Variants in TRHDE observed in about 807,000 individuals in gnomAD.
TRHDE encodes the protein thyrotropin releasing hormone degrading enzyme.
In TRHDE, 72 loss-of-function variants were observed where a neutral mutation model predicts 125.7. That is an observed-to-expected ratio of 0.57 (90% CI 0.47 to 0.70). The LOEUF (loss-of-function observed/expected upper bound fraction) is 0.70. TRHDE is among the 30% of genes least tolerant of loss of function. The pLI is 0.00. For missense variants in TRHDE, 1,110 were observed against 1,327.1 expected (o/e 0.84, Z 2.54); for synonymous variants, 509 against 509.1 (o/e 1.00, Z 0.00).
chr12:72,638,999 C>A (rs1174192568), intron 15 of TRHDE, among the ~76,000 whole-genome samples: 2 of 150,716 alleles, frequency 1.3e-5, no homozygotes, highest in African/African-American at 4.9e-5. Flanking sequence ...TTGCTCTTCT[C>A]GAGGAGTATC....
At chr12:72,554,451 G>A (rs1351783526) in intron 7 of TRHDE, among the ~76,000 whole-genome samples, 1 of 152,148 alleles carries the variant, frequency 6.6e-6, no homozygotes, top group Non-Finnish European at 1.5e-5. Flanking sequence ...GAATCAGCAT[G>A]GGTTAATAAC....
intron 1 of TRHDE, among the ~76,000 whole-genome samples, chr12:72,103,766 G>A (rs1343657141): frequency 6.6e-6 from 1 of 152,174 alleles, no homozygotes; most frequent in Non-Finnish European, 1.5e-5. Context: ...TTTTCAAGGG[G>A]AGAAATACAG....
intron 10 of TRHDE, among the ~76,000 whole-genome samples, chr12:72,572,445 C>A (rs756798518): frequency 6.6e-6 from 1 of 152,044 alleles, no homozygotes. Context: ...TGGTACTCAT[C>A]AAATACCATA....
chr12:72,639,237 C>T (rs200110337), intron 15 of TRHDE, among the ~76,000 whole-genome samples: 21,494 of 151,764 alleles, frequency 0.14, 2,089 homozygotes, highest in East Asian at 0.54. Context: ...CTTCCTTTCT[C>T]GCTTCATTTC....
intron 12 of TRHDE, among the ~76,000 whole-genome samples, chr12:72,599,610 T>A (rs1347320965): frequency 6.6e-6 from 1 of 152,182 alleles, no homozygotes; most frequent in Non-Finnish European, 1.5e-5. Context: ...AGATTCTGGA[T>A]ATTAGATCTT....
Position 72,636,002 on chromosome 12 carries a change from A to C in TRHDE, c.2675+14251A>C, listed in dbSNP as rs763718648. Among the ~76,000 whole-genome samples, 264 of 150,834 alleles carry C rather than the reference A, an allele frequency of 1.8e-3. 1 individual carries two copies. Among genetic ancestry groups the C allele is most frequent in the Non-Finnish European group, 3.0e-3 (201 of 67,122 alleles). ...GCGATGTGGGCTCTTTTTTGGTTCC[A>C]TATGAACTTTAAAGTAGTTTTTTCC... is the stretch of plus-strand genomic sequence containing the variant. On this transcript the variant is annotated intron_variant, in intron 15 of 18. Transcript: ENST00000261180.
At chr12:72,620,530 A>T (rs1873010256) in intron 13 of TRHDE, among the ~76,000 whole-genome samples, 1 of 151,784 alleles carries the variant, frequency 6.6e-6, no homozygotes, top group Non-Finnish European at 1.5e-5. Context: ...GTCTAAAAAA[A>T]CAAAAAATAG....
intron 1 of TRHDE, among the ~76,000 whole-genome samples, chr12:72,281,673 TA>T (rs1235907866): frequency 2.0e-5 from 3 of 152,340 alleles, no homozygotes; most frequent in African/African-American, 7.2e-5. Flanking sequence ...ATCTGAATAC[TA>T]ACAGTGTTAT....
intron 1 of TRHDE, among the ~76,000 whole-genome samples, chr12:72,104,197 C>T (rs986381062): frequency 1.3e-5 from 2 of 152,128 alleles, no homozygotes; most frequent in Admixed American, 6.5e-5. Context: ...TTTCCCTTTA[C>T]CTGCACTGGG....
chr12:72,197,785 G>A (rs2139352922), intron 2 of TRHDE, among the ~76,000 whole-genome samples: 1 of 151,942 alleles, frequency 6.6e-6, no homozygotes, highest in South Asian at 2.1e-4. Context: ...TTTAGGTATG[G>A]GATTAATAAT....
chr12:72,432,352 T>C (rs1237412649), intron 3 of TRHDE, among the ~76,000 whole-genome samples: 1 of 152,140 alleles, frequency 6.6e-6, no homozygotes, highest in Non-Finnish European at 1.5e-5. Flanking sequence ...ACACAACCTG[T>C]AGCTAATTAA....
intron 17 of TRHDE, among the ~76,000 whole-genome samples, chr12:72,654,339 G>A (rs1361068072): frequency 2.0e-5 from 3 of 152,034 alleles, no homozygotes; most frequent in African/African-American, 7.2e-5. Context: ...AAAATACGAT[G>A]GTGTTTACAC....
intron 6 of TRHDE, among the ~76,000 whole-genome samples, chr12:72,510,038 CAT>C (rs1187332518): frequency 6.6e-6 from 1 of 152,110 alleles, no homozygotes; most frequent in East Asian, 1.9e-4. Context: ...GGTTTCATCA[CAT>C]GTGACCTGAC....
chr12:72,399,649 G>C (rs1321987185), intron 3 of TRHDE, among the ~76,000 whole-genome samples: 1 of 152,004 alleles, frequency 6.6e-6, no homozygotes, highest in Non-Finnish European at 1.5e-5. Context: ...ATTAAACCCA[G>C]TTTGTAATTA....
At position 72,165,781 on chromosome 12, in the gene TRHDE, T is replaced by G. The variant is rs373807336; in HGVS notation, n.279+60029T>G. On this transcript the variant is annotated intron_variant and non_coding_transcript_variant, in intron 2 of 4. Transcript: ENST00000548156. ...GCTGCGCCTCCTGGGTTCACACCATTCTCCTGCCTCAGCCTCCTGAATAGC... is the reference window on the plus strand; with the variant it reads ...GCTGCGCCTCCTGGGTTCACACCATGCTCCTGCCTCAGCCTCCTGAATAGC... Among the ~76,000 whole-genome samples, 112 of 152,070 alleles carry G rather than the reference T, an allele frequency of 7.4e-4. 3 individuals are homozygous for G. The East Asian group carries it at 0.016, about 21-fold the overall frequency.
intron 3 of TRHDE, among the ~76,000 whole-genome samples, chr12:72,440,073 G>A (rs1319569589): frequency 2.0e-5 from 3 of 151,852 alleles, no homozygotes; most frequent in Non-Finnish European, 4.4e-5. Context: ...ATTGATTTAT[G>A]TATGTTGAAT....
chr12:72,525,802 T>C (rs2135968229), intron 6 of TRHDE, among the ~76,000 whole-genome samples: 1 of 152,216 alleles, frequency 6.6e-6, no homozygotes, highest in East Asian at 1.9e-4. Flanking sequence ...AAATTTTTAA[T>C]ACAAAAAGAA....
rs530615768 is a variant in TRHDE, at chr12:72,284,859, C to T, written c.915-1822C>T. Among the ~76,000 whole-genome samples the T allele has an allele frequency of 9.8e-4, 149 of 152,130 alleles. 1 individual carries two copies. The highest frequency in any genetic ancestry group is 3.5e-3 in the African/African-American group (146 of 41,504). On this transcript the variant is annotated intron_variant, in intron 1 of 18. Transcript: ENST00000261180. The stretch of plus-strand genomic sequence containing the variant: ...AGATTTACAGTTAAAATCTCTTTTC[C>T]ATATATTATCTCATTCTATCATTTT...
chr12:72,568,172 A>G (rs983711116), intron 9 of TRHDE, among the ~76,000 whole-genome samples: 1 of 152,130 alleles, frequency 6.6e-6, no homozygotes, highest in Non-Finnish European at 1.5e-5. Flanking sequence ...TAAAATGTAA[A>G]TGCATGAAGC....
Sources: allele counts gnomAD v4.1 joint callset (sites outside exome capture counted in the v4.1 genomes callset), GRCh38; gene constraint gnomAD v4.1.1; transcripts MANE v1.5; gene names NCBI Gene and HGNC (gene_info 2026-07-23, HGNC 2026-07-21).